Variants in RCC2 observed in about 807,000 individuals in gnomAD.
RCC2 encodes the protein regulator of chromosome condensation 2.
A neutral mutation model predicts 64.1 loss-of-function variants in RCC2; 19 were observed. That is an observed-to-expected ratio of 0.30 (90% CI 0.21 to 0.44). The LOEUF (loss-of-function observed/expected upper bound fraction) is 0.44. RCC2 is among the 20% of genes least tolerant of loss of function. The pLI is 1.00. For missense variants in RCC2, 508 were observed against 710.4 expected (o/e 0.72, Z 3.24); for synonymous variants, 325 against 279.6 (o/e 1.16, Z -1.62).
At position 17,407,890 on chromosome 1, in the gene RCC2, G is replaced by A. The variant is rs909763846; in HGVS notation, c.*1200C>T. ...CCAGCCACAGCTGTCGCCTCTCTTG[G>A]GTCCAGGCGAGAGGAGGGTTCCGGG... On this transcript the variant is annotated 3_prime_UTR_variant, in exon 13 of 13. Transcript: ENST00000375436. The A allele has an allele frequency of 2.6e-5, 4 of 152,620 alleles. No homozygotes were observed. Among genetic ancestry groups the A allele is most frequent in the African/African-American group, 9.7e-5 (4 of 41,410 alleles). The allele number at this position is 152,620 out of a possible 1,614,324, so 9.5% of individuals were successfully genotyped here. A position where few individuals can be genotyped will look rare whatever the true frequency, so the allele number is the denominator to read the frequency against.
rs532145912 is a variant in RCC2, at chr1:17,424,485, C to T, written c.523+1056G>A. Among the ~76,000 whole-genome samples, 5 of 151,988 alleles carry T rather than the reference C, an allele frequency of 3.3e-5. No individual in the cohort carries two copies. In the East Asian group the frequency reaches 5.8e-4, roughly 18 times the overall value. On this transcript the variant is annotated intron_variant, in intron 4 of 12. Coordinates refer to ENST00000375436, the MANE Select transcript of RCC2 (RefSeq NM_018715.4). Reference sequence around the variant, plus strand: ...GGAAGGGACACACATCTATGCCAACCGGGAGAAAACAAAAACTGTGGCAAT... The same window carrying T: ...GGAAGGGACACACATCTATGCCAACTGGGAGAAAACAAAAACTGTGGCAAT...
chr1:17,434,686 A>G (rs1328335144), intron 2 of RCC2, among the ~76,000 whole-genome samples: 1 of 152,206 alleles, frequency 6.6e-6, no homozygotes, highest in Non-Finnish European at 1.5e-5. Context: ...TGAGCCCTCA[A>G]GATGAGGAAA....
intron 2 of RCC2, among the ~76,000 whole-genome samples, chr1:17,436,273 G>A (rs2100399410): frequency 1.3e-5 from 2 of 152,352 alleles, no homozygotes; most frequent in Admixed American, 1.3e-4. Flanking sequence ...GGAGGCTGAG[G>A]CAGGCAGATC....
chr1:17,438,830 C>T (rs1486741936), intron 1 of RCC2, among the ~76,000 whole-genome samples: 1 of 152,164 alleles, frequency 6.6e-6, no homozygotes, highest in Non-Finnish European at 1.5e-5. Flanking sequence ...GTTGCAACCT[C>T]GCCCCCCAAA....
chr1:17,414,944 A>G (rs1461969229), intron 8 of RCC2, among the ~76,000 whole-genome samples: 3 of 152,198 alleles, frequency 2.0e-5, no homozygotes, highest in Admixed American at 1.3e-4. Flanking sequence ...GACTTCCCTC[A>G]CCCACAGGTA....
In RCC2 at chr1:17,438,005, C is replaced by G. The variant is rs1271190934; in HGVS notation, c.285+225G>C. On this transcript the variant is annotated intron_variant, in intron 2 of 12. Coordinates refer to ENST00000375436, the MANE Select transcript of RCC2 (RefSeq NM_018715.4). ...GCGCGCGCCCCAACCGCCAACCGCC[C>G]GCGCGGTGCCCGGGGTCGGGTAGGC... 6.1e-5 allele frequency among the ~76,000 whole-genome samples: 9 copies of G among 146,746 alleles called. No individual in the cohort carries two copies. The South Asian group carries it at 1.0e-3, about 17-fold the overall frequency.
intron 7 of RCC2, among the ~76,000 whole-genome samples, chr1:17,420,111 G>C (rs2075539110): frequency 6.6e-6 from 1 of 152,180 alleles, no homozygotes; most frequent in Non-Finnish European, 1.5e-5. Context: ...CGCACTTCAG[G>C]GAACCGCACT....
chr1:17,431,342 A>ATAAAAAATAAAAAAAAAAT (rs1433186157), intron 2 of RCC2, among the ~76,000 whole-genome samples: 2 of 70,054 alleles, frequency 2.9e-5, no homozygotes, highest in African/African-American at 6.1e-5. Context: ...TCAAAAAAAA[A>ATAAAAAATAAAAAAAAAAT]AAAAAAAAAA....
chr1:17,431,513 A>C (rs1317540691), intron 2 of RCC2, among the ~76,000 whole-genome samples: 1 of 144,826 alleles, frequency 6.9e-6, no homozygotes, highest in Admixed American at 7.0e-5. Context: ...AAAAAAAAAA[A>C]AAAAAAAAGA....
At position 17,409,187 on chromosome 1, in the gene RCC2, A is replaced by C; in HGVS notation, c.1472T>G (p.Met491Arg). 6.2e-7 allele frequency: 1 copy of C among 1,611,376 alleles called. No homozygotes were observed. Among genetic ancestry groups the C allele is most frequent in the Non-Finnish European group, 8.5e-7 (1 of 1,177,500 alleles). Residue 491 changes from methionine (M) to arginine (R), a missense_variant, in exon 13 of 13, where the codon ATG (methionine) becomes AGG (arginine). This residue lies in a region of RCC2 where 179 missense variants were observed against 322.0 expected (regional missense o/e 0.56). Coordinates refer to ENST00000375436, the MANE Select transcript of RCC2 (RefSeq NM_018715.4). ...TATCACCAAGGAGTGTGAGTAGCCC[A>C]TGGCGACCTGGGGGGACAAATCAGC... ...LDGIFSEQVA[M>R]GYSHSLVIAR...
chr1:17,411,949 T>C (rs143969948), intron 11 of RCC2, among the ~76,000 whole-genome samples, 173 bp downstream of exon 11: 8 of 152,364 alleles, frequency 5.3e-5, no homozygotes, highest in Admixed American at 1.3e-4. Flanking sequence ...TAGCACAGAA[T>C]TGTCCTTGAA....
chr1:17,434,417 C>G lies in RCC2; in HGVS notation c.285+3813G>C, dbSNP rs79403159. Among the ~76,000 whole-genome samples the G allele has an allele frequency of 2.5e-3, 383 of 152,292 alleles. 1 individual carries two copies. The highest frequency in any genetic ancestry group is 8.6e-3 in the African/African-American group (357 of 41,572). On this transcript the variant is annotated intron_variant, in intron 2 of 12. Transcript: ENST00000375436. ...GAGCTTGTGGAGAGCTGAACATGTA[C>G]CAGGTGGGTGGTCTGCAGAGGGCAC...
chr1:17,421,480 CGA>C (rs2075555475), intron 6 of RCC2, among the ~76,000 whole-genome samples: 1 of 150,440 alleles, frequency 6.6e-6, no homozygotes, highest in African/African-American at 2.5e-5. Flanking sequence ...GGCAACAGAG[CGA>C]GACTCTGTCT....
intron 1 of RCC2, 129 bp from the exon 2 acceptor site, chr1:17,438,651 G>A: frequency 1.1e-6 from 1 of 918,252 alleles, no homozygotes; most frequent in Non-Finnish European, 1.4e-6. Context: ...GCCGCAGGGT[G>A]GGCGGAGAGG....
chr1:17,423,538 A>G (rs1333558175), intron 4 of RCC2, among the ~76,000 whole-genome samples: 1 of 152,216 alleles, frequency 6.6e-6, no homozygotes, highest in Non-Finnish European at 1.5e-5. Flanking sequence ...CTGAGGGCCA[A>G]CCCCTACCCC....
At chr1:17,425,847 TC>T (rs370155304) in intron 3 of RCC2, among the ~76,000 whole-genome samples, 163 bp from the exon 4 acceptor site, 452 of 152,332 alleles carry the variant, frequency 3.0e-3, no homozygotes, top group African/African-American at 0.01. Flanking sequence ...GATCGGGTTT[TC>T]ACTTCGAATC....
In RCC2 at chr1:17,427,921, A is replaced by G. The variant is rs188462791; in HGVS notation, c.379+1185T>C. 5.3e-5 allele frequency among the ~76,000 whole-genome samples: 8 copies of G among 152,272 alleles called. No individual in the cohort carries two copies. The East Asian group carries it at 1.5e-3, about 29-fold the overall frequency. On this transcript the variant is annotated intron_variant, in intron 3 of 12. Coordinates refer to ENST00000375436, the MANE Select transcript of RCC2 (RefSeq NM_018715.4). ...AGAAGTCAATTCCCACGGCCTCCGG[A>G]TCCCTGGGGTCTGGTCCCAATCACA...
At chr1:17,424,045 T>C (rs774925010) in intron 4 of RCC2, among the ~76,000 whole-genome samples, 5 of 152,198 alleles carry the variant, frequency 3.3e-5, no homozygotes, top group Admixed American at 6.5e-5. Flanking sequence ...CCCAAGTTCA[T>C]GTGAAAGGCA....
chr1:17,431,359 A>AAAAAAATATATATATATATATATAT (rs1553158471), intron 2 of RCC2, among the ~76,000 whole-genome samples: 2 of 44,938 alleles, frequency 4.5e-5, no homozygotes, highest in Non-Finnish European at 7.6e-5. Context: ...AAAAAAAAAA[A>AAAAAAATATATATATATATATATAT]ATATATATAT....
Sources: allele counts gnomAD v4.1 joint callset (sites outside exome capture counted in the v4.1 genomes callset), GRCh38; gene constraint gnomAD v4.1.1; regional missense constraint gnomAD v4.1.1; transcripts MANE v1.5; gene names NCBI Gene and HGNC (gene_info 2026-07-23, HGNC 2026-07-21).